Variants in TENM3 observed in about 807,000 individuals in gnomAD.
TENM3 encodes the protein teneurin-3.
Under a neutral mutation model 255.1 loss-of-function variants are expected in TENM3, and 63 were observed. The ratio of observed to expected loss-of-function variants is 0.25; its 90% CI spans 0.20 to 0.30. TENM3 has a LOEUF of 0.30. TENM3 is among the 10% of genes least tolerant of loss of function. The pLI, the probability that TENM3 is intolerant of heterozygous loss-of-function variation, is 1.00. For synonymous variants in TENM3, 1,306 were observed against 1,322.3 expected, an observed-to-expected ratio of 0.99 and a Z score of 0.27; for missense variants, 2,929 against 3,461.1, an observed-to-expected ratio of 0.85 and a Z score of 3.86.
chr4:181,786,241 C>T, the TENM3 span, among the ~76,000 whole-genome samples: 2 of 152,276 alleles, frequency 1.3e-5, no homozygotes, highest in African/African-American at 4.8e-5. Flanking sequence ...ACCAAAAAGG[C>T]ATTGTCCTGT....
At chr4:181,949,091 T>G in the TENM3 span, among the ~76,000 whole-genome samples, 142 of 152,076 alleles carry the variant, frequency 9.3e-4, no homozygotes, top group African/African-American at 3.3e-3. Context: ...TAGAAAAAAA[T>G]TAGAAATCAT....
the TENM3 span, among the ~76,000 whole-genome samples, chr4:182,136,671 C>T: frequency 6.6e-6 from 1 of 152,150 alleles, no homozygotes; most frequent in East Asian, 1.9e-4. Flanking sequence ...TAACCTATCA[C>T]CATACCTTGA....
At chr4:181,605,490 GAA>G in the TENM3 span, among the ~76,000 whole-genome samples, 4 of 7,310 alleles carry the variant, frequency 5.5e-4, no homozygotes, top group East Asian at 2.5e-3. Flanking sequence ...GAGAAAGAAA[GAA>G]AGAAAGAAAG....
At chr4:182,303,198 G>A (rs1761946047) in intron 1 of TENM3, among the ~76,000 whole-genome samples, 1 of 152,118 alleles carries the variant, frequency 6.6e-6, no homozygotes, top group Non-Finnish European at 1.5e-5. Context: ...ATAGCTTGTT[G>A]AAATTAGGAT....
At chr4:181,531,749 G>A in the TENM3 span, among the ~76,000 whole-genome samples, 3 of 152,232 alleles carry the variant, frequency 2.0e-5, no homozygotes, top group African/African-American at 4.8e-5. Flanking sequence ...ATCTAACCAA[G>A]TGTGTGTAAA....
chr4:182,256,477 A>G (rs535377090), intron 1 of TENM3, among the ~76,000 whole-genome samples: 7 of 152,354 alleles, frequency 4.6e-5, no homozygotes, highest in African/African-American at 1.7e-4. Context: ...TTGCTGCTAT[A>G]TCCTACAGAT....
chr4:181,684,095 C>CTGCTT, the TENM3 span, among the ~76,000 whole-genome samples: 5 of 152,184 alleles, frequency 3.3e-5, no homozygotes, highest in African/African-American at 1.2e-4. Flanking sequence ...TCCAAGTGGA[C>CTGCTT]TGCTTTGCTT....
intron 3 of TENM3, among the ~76,000 whole-genome samples, chr4:182,570,016 C>T (rs570746350): frequency 5.5e-4 from 84 of 152,278 alleles, no homozygotes; most frequent in African/African-American, 1.9e-3. Context: ...AGTTTGGCTA[C>T]TAGAAAATTT....
chr4:182,434,061 C>G (rs1771866192), intron 3 of TENM3, among the ~76,000 whole-genome samples: 1 of 151,650 alleles, frequency 6.6e-6, no homozygotes, highest in Non-Finnish European at 1.5e-5. Context: ...TCGCAGTGAG[C>G]TAGGATTGCA....
chr4:182,645,672 A>G (rs1037390523), intron 5 of TENM3, among the ~76,000 whole-genome samples: 3 of 152,134 alleles, frequency 2.0e-5, no homozygotes, highest in Non-Finnish European at 4.4e-5. Context: ...CTCACACACA[A>G]GGTTTTTGGC....
At chr4:182,629,247 C>T (rs1751119557) in intron 5 of TENM3, among the ~76,000 whole-genome samples, 1 of 152,092 alleles carries the variant, frequency 6.6e-6, no homozygotes, top group Non-Finnish European at 1.5e-5. Context: ...TCAATGCGTA[C>T]TCAATAGGGA....
chr4:181,479,865 G>A, the TENM3 span, among the ~76,000 whole-genome samples: 1 of 152,142 alleles, frequency 6.6e-6, no homozygotes, highest in Non-Finnish European at 1.5e-5. Context: ...CTGGATAGAT[G>A]TGAGGCTTAA....
At chr4:181,511,584 C>T in the TENM3 span, among the ~76,000 whole-genome samples, 3 of 152,330 alleles carry the variant, frequency 2.0e-5, no homozygotes, top group Admixed American at 1.3e-4. Context: ...CTGTACCTTG[C>T]TCCGGGTGAT....
the TENM3 span, among the ~76,000 whole-genome samples, chr4:181,967,122 C>T: frequency 3.3e-5 from 5 of 152,128 alleles, no homozygotes. Flanking sequence ...TTGTCTACTT[C>T]ATCTTTTTCA....
chr4:182,616,515 A>C, intron 4 of TENM3, among the ~76,000 whole-genome samples: 1 of 67,850 alleles, frequency 1.5e-5, no homozygotes, highest in Non-Finnish European at 3.2e-5. Flanking sequence ...TAAAACTTAA[A>C]GTATAATAAA....
At chr4:182,351,729 G>C (rs1765193878) in intron 3 of TENM3, among the ~76,000 whole-genome samples, 1 of 152,122 alleles carries the variant, frequency 6.6e-6, no homozygotes, top group African/African-American at 2.4e-5. Flanking sequence ...TGTGATGCCC[G>C]GAGGCGGGAC....
At chr4:181,449,712 A>T in the TENM3 span, among the ~76,000 whole-genome samples, 1 of 152,258 alleles carries the variant, frequency 6.6e-6, no homozygotes, top group East Asian at 1.9e-4. Flanking sequence ...GCTTGAACCC[A>T]GAAGGCCGAG....
At chr4:182,531,463 A>G (rs959913108) in intron 3 of TENM3, among the ~76,000 whole-genome samples, 2 of 152,150 alleles carry the variant, frequency 1.3e-5, no homozygotes, top group African/African-American at 4.8e-5. Context: ...CACAATGACC[A>G]TAAAGTAAAA....
intron 7 of TENM3, among the ~76,000 whole-genome samples, chr4:182,677,067 A>T (rs1755727651): frequency 6.6e-6 from 1 of 152,192 alleles, no homozygotes; most frequent in South Asian, 2.1e-4. Flanking sequence ...CCCTTAAGTG[A>T]CCACTTTATG....
Sources: gnomAD v4.1 joint callset for allele counts (sites outside exome capture counted in the v4.1 genomes callset) on GRCh38, gnomAD v4.1.1 for gene constraint, MANE v1.5 for transcripts, NCBI Gene and HGNC (gene_info 2026-07-23, HGNC 2026-07-21) for gene names.